FER1L6: variants seen among roughly 807,000 people sequenced by gnomAD.
The protein encoded by FER1L6 is fer-1-like protein 6.
FER1L6 carries 177 observed loss-of-function variants against 219.2 expected under a neutral mutation model. The ratio of observed to expected loss-of-function variants is 0.81; its 90% confidence interval spans 0.71 to 0.91. The LOEUF is 0.91. Ranked by LOEUF, FER1L6 falls within the 40% of genes least tolerant of loss-of-function variation. The pLI is 0.00. For synonymous variants in FER1L6, 768 were observed against 824.3 expected (o/e 0.93, Z 1.17); for missense variants, 2,153 against 2,259.9 (o/e 0.95, Z 0.96).
At chr8:123,996,731 G>A (rs1817150320) in intron 12 of FER1L6, among the ~76,000 whole-genome samples, 2 of 152,018 alleles carry the variant, frequency 1.3e-5, no homozygotes, top group Admixed American at 1.3e-4. Flanking sequence ...TTTTATTGAA[G>A]GCAATTTTCT....
At chr8:124,107,180 C>A (rs889321647) in intron 39 of FER1L6, among the ~76,000 whole-genome samples, 2 of 151,996 alleles carry the variant, frequency 1.3e-5, no homozygotes, top group African/African-American at 4.8e-5. Context: ...GATCTCCTGA[C>A]CTTGTGATCC....
At position 124,119,622 on chromosome 8, in the gene FER1L6, C is replaced by T; in HGVS notation, c.5406C>T (p.Ser1802=). ...TCCCCCTCAGCCGCCCAGACACCTC[C>T]TTTTCGTGGTTCATGAGCCCCTTTA... ...PLAKPNRPDT[S]FSWFMSPFKC... Residue 1802 remains serine, a synonymous_variant, in exon 41 of 41, where the codon TCC becomes TCT. Transcript: ENST00000522917. 1.2e-6 allele frequency: 2 copies of T among 1,612,938 alleles called. No individual in the cohort carries two copies. Among genetic ancestry groups the T allele is most frequent in the Non-Finnish European group, 1.7e-6 (2 of 1,179,106 alleles).
chr8:124,106,319 ACT>A (rs1822769188), intron 39 of FER1L6, among the ~76,000 whole-genome samples: 1 of 98,820 alleles, frequency 1.0e-5, no homozygotes, highest in Admixed American at 1.5e-4. Flanking sequence ...ACAGAGTGAG[ACT>A]CTGTCTCAAA....
intron 34 of FER1L6, among the ~76,000 whole-genome samples, chr8:124,093,469 G>A (rs1822139090): frequency 6.6e-6 from 1 of 151,924 alleles, no homozygotes; most frequent in Non-Finnish European, 1.5e-5. Flanking sequence ...TTGATACCAA[G>A]ATTTCCTTTA....
chr8:123,951,412 G>A (rs1345863293), intron 1 of FER1L6, among the ~76,000 whole-genome samples: 1 of 152,192 alleles, frequency 6.6e-6, no homozygotes, highest in East Asian at 1.9e-4. Flanking sequence ...ACAGAGGCAT[G>A]GCAAGGCAGA....
chr8:123,987,948 A>C (rs1816674408), intron 12 of FER1L6, among the ~76,000 whole-genome samples: 1 of 152,272 alleles, frequency 6.6e-6, no homozygotes, highest in East Asian at 1.9e-4. Context: ...AAATACAAAA[A>C]TTAGCCGGGC....
chr8:124,052,409 AG>A (rs1373820168), intron 22 of FER1L6, among the ~76,000 whole-genome samples: 2 of 152,196 alleles, frequency 1.3e-5, no homozygotes, highest in Non-Finnish European at 2.9e-5. Context: ...TAAAGAGATC[AG>A]TGACACCTAT....
intron 7 of FER1L6, among the ~76,000 whole-genome samples, chr8:123,974,206 G>T (rs189087184): frequency 2.0e-5 from 3 of 152,318 alleles, no homozygotes; most frequent in Admixed American, 1.3e-4. Context: ...CAGACAGGGA[G>T]CATAGCTGCG....
intron 39 of FER1L6, among the ~76,000 whole-genome samples, chr8:124,110,385 G>C (rs1586355759): frequency 6.6e-6 from 1 of 152,116 alleles, no homozygotes; most frequent in Admixed American, 6.5e-5. Context: ...AACACAAGCA[G>C]TTCACTTCTA....
intron 12 of FER1L6, among the ~76,000 whole-genome samples, chr8:123,987,612 G>A (rs1816651033): frequency 6.6e-6 from 1 of 152,148 alleles, no homozygotes; most frequent in South Asian, 2.1e-4. Context: ...CAATGCCCTG[G>A]AGAGTTTTCC....
intron 1 of FER1L6, among the ~76,000 whole-genome samples, chr8:123,900,795 G>A (rs1176026352): frequency 6.6e-6 from 1 of 152,086 alleles, no homozygotes; most frequent in Non-Finnish European, 1.5e-5. Context: ...TTTATGTGGA[G>A]TATCACATTT....
chr8:124,063,956 G>A (rs547389344), intron 25 of FER1L6, among the ~76,000 whole-genome samples: 3 of 152,202 alleles, frequency 2.0e-5, no homozygotes, highest in East Asian at 3.9e-4. Flanking sequence ...TACAGTTGGC[G>A]GCTTCATGGC....
intron 1 of FER1L6, among the ~76,000 whole-genome samples, chr8:123,937,613 TG>T (rs1814062985): frequency 6.6e-6 from 1 of 152,220 alleles, no homozygotes; most frequent in South Asian, 2.1e-4. Context: ...AAATTGCTTT[TG>T]TTTTTCTCAT....
chr8:124,100,139 C>T (rs746452754), intron 37 of FER1L6, among the ~76,000 whole-genome samples: 1 of 152,226 alleles, frequency 6.6e-6, no homozygotes, highest in South Asian at 2.1e-4. Context: ...CTTCACTCCC[C>T]TCCTCCCTGC....
intron 1 of FER1L6, among the ~76,000 whole-genome samples, chr8:123,904,998 T>A (rs537790109): frequency 1.3e-5 from 2 of 152,344 alleles, no homozygotes; most frequent in South Asian, 4.1e-4. Context: ...AGAGCTGGTT[T>A]ACCAGCACAC....
At chr8:124,002,280 G>A (rs1343809565) in intron 12 of FER1L6, among the ~76,000 whole-genome samples, 1 of 152,204 alleles carries the variant, frequency 6.6e-6, no homozygotes, top group African/African-American at 2.4e-5. Context: ...TGGTAAAGAG[G>A]ATCTGGGTGG....
chr8:123,963,262 T>C lies in FER1L6; in HGVS notation c.77-16T>C. 1 of 1,613,604 alleles carries C rather than the reference T, an allele frequency of 6.2e-7. No homozygotes were observed. The highest frequency in any genetic ancestry group is 8.5e-7 in the Non-Finnish European group (1 of 1,179,726). On this transcript the variant is annotated splice_polypyrimidine_tract_variant and intron_variant, in intron 2 of 40. Coordinates refer to ENST00000522917, the MANE Select transcript of FER1L6 (RefSeq NM_001039112.2). ...GTCAATTTCACAGGATTTTCTTCCT[T>C]TGTTTGCTTCTCCAGATAGTCAAGG...
At chr8:123,970,699 C>T (rs931734598) in intron 6 of FER1L6, among the ~76,000 whole-genome samples, 1 of 152,160 alleles carries the variant, frequency 6.6e-6, no homozygotes, top group South Asian at 2.1e-4. Context: ...GACTCTTCCT[C>T]AGCTCTGCCA....
At chr8:123,872,407 G>C (rs1313737421) in intron 1 of FER1L6, among the ~76,000 whole-genome samples, 1 of 152,112 alleles carries the variant, frequency 6.6e-6, no homozygotes, top group East Asian at 1.9e-4. Flanking sequence ...AAACTACGAA[G>C]GTCATCAAAA....
Sources: gnomAD v4.1 joint callset for allele counts (sites outside exome capture counted in the v4.1 genomes callset) on GRCh38, gnomAD v4.1.1 for gene constraint, MANE v1.5 for transcripts, NCBI Gene and HGNC (gene_info 2026-07-23, HGNC 2026-07-21) for gene names.